TNS3: variants seen among roughly 807,000 people sequenced by gnomAD.
The protein encoded by TNS3 is tensin-3.
TNS3 carries 45 observed loss-of-function variants against 140.9 expected under a neutral mutation model. The ratio of observed to expected loss-of-function variants is 0.32; its 90% CI spans 0.25 to 0.41. The LOEUF (loss-of-function observed/expected upper bound fraction) is 0.41, where lower values mean the gene tolerates loss of function less well. Among genes scored for constraint, TNS3 ranks in the 10% least tolerant of loss-of-function variants. TNS3 has a pLI of 1.00. For synonymous variants in TNS3, 815 were observed against 788.4 expected (o/e 1.03, Z -0.56); for missense variants, 1,716 against 1,906.7 (o/e 0.90, Z 1.86).
chr7:47,323,071 G>A (rs1193569464), intron 20 of TNS3, among the ~76,000 whole-genome samples: 1 of 152,196 alleles, frequency 6.6e-6, no homozygotes, highest in Non-Finnish European at 1.5e-5. Flanking sequence ...GGCCGACCAT[G>A]CAGCCAGTCT....
intron 1 of TNS3, among the ~76,000 whole-genome samples, chr7:47,557,623 G>A (rs1057163714): frequency 6.6e-6 from 1 of 152,090 alleles, no homozygotes; most frequent in African/African-American, 2.4e-5. Context: ...ATACTCTCTG[G>A]GATTTTTCAT....
intron 20 of TNS3, among the ~76,000 whole-genome samples, chr7:47,306,489 C>T (rs1319954165): frequency 6.6e-6 from 1 of 152,180 alleles, no homozygotes; most frequent in Non-Finnish European, 1.5e-5. Flanking sequence ...TGAAGTGAAG[C>T]ACTTTTTTGG....
At chr7:47,351,613 C>T (rs1402559991) in intron 17 of TNS3, among the ~76,000 whole-genome samples, 1 of 152,146 alleles carries the variant, frequency 6.6e-6, no homozygotes, top group Non-Finnish European at 1.5e-5. Flanking sequence ...TCCGGTGCCA[C>T]ATCCAAGCCC....
chr7:47,515,320 C>T (rs539338181), intron 2 of TNS3, among the ~76,000 whole-genome samples: 1 of 152,184 alleles, frequency 6.6e-6, no homozygotes. Flanking sequence ...CCTTCTCCAT[C>T]TATCATCACC....
chr7:47,408,791 G>A (rs1257814509), intron 13 of TNS3, among the ~76,000 whole-genome samples: 6 of 152,164 alleles, frequency 3.9e-5, no homozygotes, highest in Non-Finnish European at 8.8e-5. Flanking sequence ...CTTTGTGGGT[G>A]CCTCAAGCCT....
At position 47,394,806 on chromosome 7, in the gene TNS3, T is replaced by C. The variant is rs192847521; in HGVS notation, c.1024+1994A>G. On this transcript the variant is annotated intron_variant, in intron 16 of 30. Coordinates refer to ENST00000311160, the MANE Select transcript of TNS3 (RefSeq NM_022748.12). ...ACGTAGGTCCTTCACCACCTGTGAGTGACATGCTGCAGGCGCCCAGCTTTC... is the reference window on the plus strand; with the variant it reads ...ACGTAGGTCCTTCACCACCTGTGAGCGACATGCTGCAGGCGCCCAGCTTTC... 2.4e-4 allele frequency among the ~76,000 whole-genome samples: 36 copies of C among 152,320 alleles called. No homozygotes were observed. The East Asian group carries it at 6.4e-3, about 27-fold the overall frequency.
At chr7:47,462,675 G>C (rs1323467009) in intron 4 of TNS3, among the ~76,000 whole-genome samples, 1 of 152,058 alleles carries the variant, frequency 6.6e-6, no homozygotes, top group Non-Finnish European at 1.5e-5. Context: ...GCCCACCTGA[G>C]GCCATTTGCA....
intron 16 of TNS3, among the ~76,000 whole-genome samples, chr7:47,387,638 C>T (rs1300275529): frequency 6.6e-6 from 1 of 152,202 alleles, no homozygotes; most frequent in African/African-American, 2.4e-5. Context: ...CTTTCCCTCC[C>T]CTAGGAGGCC....
At chr7:47,368,238 C>T (rs992776870) in intron 17 of TNS3, 127 bp downstream of exon 17, 1 of 1,033,252 alleles carries the variant, frequency 9.7e-7, no homozygotes, top group Non-Finnish European at 1.3e-6. Context: ...AGAGTTGAAA[C>T]TGCAAGGGAA....
Position 47,303,396 on chromosome 7 carries a change from A to C in TNS3, c.3011T>G (p.Leu1004Arg). ...QAPFHSHELS[L>R]AEPPDSLAPP... Reference sequence around the variant, plus strand: ...CGCCAGGGAGTCCGGTGGCTCTGCTAGGGACAGCTCATGGCTGTGGAAAGG... The same window carrying C: ...CGCCAGGGAGTCCGGTGGCTCTGCTCGGGACAGCTCATGGCTGTGGAAAGG... Residue 1004 changes from leucine (L) to arginine (R), a missense_variant, in exon 22 of 31, where the codon CTA becomes CGA. Leu to Arg is a moderately radical substitution (Grantham distance 102, BLOSUM62 -2). This residue lies in a region of TNS3 where 1,163 missense variants were observed against 1,182.1 expected (regional missense o/e 0.98). Coordinates refer to ENST00000311160, the MANE Select transcript of TNS3 (RefSeq NM_022748.12). The C allele has an allele frequency of 6.2e-7, 1 of 1,613,848 alleles. No individual in the cohort carries two copies. The highest frequency in any genetic ancestry group is 8.5e-7 in the Non-Finnish European group (1 of 1,179,994).
chr7:47,388,663 G>A (rs564496628), intron 16 of TNS3, among the ~76,000 whole-genome samples: 6 of 152,220 alleles, frequency 3.9e-5, no homozygotes, highest in Admixed American at 6.5e-5. Context: ...TGAAGAGATC[G>A]AGACTAGCCT....
At chr7:47,510,235 C>T (rs1001187543) in intron 2 of TNS3, among the ~76,000 whole-genome samples, 8 of 152,096 alleles carry the variant, frequency 5.3e-5, no homozygotes, top group Non-Finnish European at 1.2e-4. Flanking sequence ...CTTAGGGATT[C>T]GGGGCTGTGA....
At chr7:47,541,570 T>G (rs1362936195) in intron 1 of TNS3, among the ~76,000 whole-genome samples, 1 of 152,112 alleles carries the variant, frequency 6.6e-6, no homozygotes, top group Admixed American at 6.5e-5. Context: ...GTAAACAACT[T>G]GGAGATCAAA....
chr7:47,283,598 A>G (rs1423278659), intron 28 of TNS3, 99 bp downstream of exon 28: 1 of 1,210,108 alleles, frequency 8.3e-7, no homozygotes, highest in Non-Finnish European at 1.1e-6. Flanking sequence ...AAAGACGGCT[A>G]ATGATTTACC....
chr7:47,441,707 C>T (rs1403873575), intron 5 of TNS3, among the ~76,000 whole-genome samples: 1 of 152,142 alleles, frequency 6.6e-6, no homozygotes, highest in Admixed American at 6.5e-5. Flanking sequence ...GGGGCTCTTG[C>T]CAGCACACCC....
chr7:47,449,666 G>C (rs1018458867), intron 4 of TNS3, among the ~76,000 whole-genome samples: 2 of 152,186 alleles, frequency 1.3e-5, no homozygotes, highest in African/African-American at 4.8e-5. Context: ...GGAGTGCAGT[G>C]GGGTGATCTT....
chr7:47,328,215 G>A (rs1213315021), intron 20 of TNS3, among the ~76,000 whole-genome samples: 8 of 152,246 alleles, frequency 5.3e-5, no homozygotes, highest in Admixed American at 3.9e-4. Context: ...TTCAGAGGGC[G>A]GCCGAGAGAG....
At chr7:47,579,745 G>A in intron 1 of TNS3, 1 of 584,494 alleles carries the variant, frequency 1.7e-6, no homozygotes, top group African/African-American at 2.0e-5. Flanking sequence ...GAATTTACTT[G>A]GTATTTTACT....
chr7:47,366,474 G>C (rs183089356), intron 17 of TNS3, among the ~76,000 whole-genome samples: 1 of 152,312 alleles, frequency 6.6e-6, no homozygotes, highest in East Asian at 1.9e-4. Context: ...ACTGGGATAG[G>C]GTTTCCTTCT....
Sources: allele counts gnomAD v4.1 joint callset (sites outside exome capture counted in the v4.1 genomes callset), GRCh38; gene constraint gnomAD v4.1.1; regional missense constraint gnomAD v4.1.1; transcripts MANE v1.5; gene names NCBI Gene and HGNC (gene_info 2026-07-23, HGNC 2026-07-21).